Variants in NLGN4X observed in about 807,000 individuals in gnomAD.
NLGN4X encodes neuroligin 4 X-linked.
Under a neutral mutation model 40.3 loss-of-function variants are expected in NLGN4X, and 3 were observed. The observed-to-expected ratio is 0.07, with a 90% confidence interval of 0.03 to 0.19. NLGN4X has a LOEUF of 0.19. Among genes scored for constraint, NLGN4X ranks in the 10% least tolerant of loss-of-function variants. The probability of loss-of-function intolerance (pLI) is 1.00; values close to 1 mark genes in which losing one functional copy is unlikely to be tolerated. For synonymous variants in NLGN4X, 270 were observed against 306.8 expected, an observed-to-expected ratio of 0.88 and a Z score of 1.25; for missense variants, 382 against 708.3, an observed-to-expected ratio of 0.54 and a Z score of 5.23.
chrX:6,216,005 T>C (rs1314586183), intron 1 of NLGN4X, among the ~76,000 whole-genome samples: 1 of 109,838 alleles, frequency 9.1e-6, no homozygotes, highest in African/African-American at 3.3e-5. Flanking sequence ...GCCTCCTGAG[T>C]AGCTGGGACT....
At chrX:5,910,063 AT>A (rs1210687427) in intron 3 of NLGN4X, among the ~76,000 whole-genome samples, 1 of 111,790 alleles carries the variant, frequency 8.9e-6, no homozygotes, top group African/African-American at 3.3e-5. Flanking sequence ...CAATTTTGGT[AT>A]TAATGATAGC....
At chrX:6,210,147 T>C (rs1299965561) in intron 1 of NLGN4X, among the ~76,000 whole-genome samples, 1 of 111,480 alleles carries the variant, frequency 9.0e-6, no homozygotes, top group Non-Finnish European at 1.9e-5. Flanking sequence ...TCACATGCAA[T>C]GTGGAGTTCA....
At chrX:6,189,960 A>G (rs903041998) in intron 1 of NLGN4X, among the ~76,000 whole-genome samples, 6 of 109,736 alleles carry the variant, frequency 5.5e-5, no homozygotes, top group African/African-American at 2.0e-4. Flanking sequence ...TTAGCTGTAT[A>G]TGCTGATGAA....
chrX:6,226,323 GA>G (rs369852590), intron 1 of NLGN4X, among the ~76,000 whole-genome samples: 12,483 of 101,982 alleles, frequency 0.12, 640 homozygotes, highest in African/African-American at 0.16. Context: ...CCGCAGTCCG[GA>G]AAAAAAAAAA....
Position 5,962,643 on chromosome X carries a change from C to G in NLGN4X, c.626-53404G>C, listed in dbSNP as rs2034699408. Among the ~76,000 whole-genome samples, 3 of 112,246 alleles carry G rather than the reference C, an allele frequency of 2.7e-5. No homozygotes were observed. The South Asian group carries it at 1.1e-3, about 42-fold the overall frequency. ...TGAATGTTGGCATTCTCCCAAAATT[C>G]AACCTTGAAATCCTAAACTCCCTTC... On this transcript the variant is annotated intron_variant, in intron 3 of 5. Transcript: ENST00000381095.
At chrX:6,139,855 A>G (rs1456705844) in intron 2 of NLGN4X, among the ~76,000 whole-genome samples, 2 of 111,880 alleles carry the variant, frequency 1.8e-5, no homozygotes, top group Non-Finnish European at 3.8e-5. Context: ...ATTTACTAAT[A>G]ATTTTTAAAT....
In NLGN4X at chrX:5,892,565, T is replaced by G; in HGVS notation, c.*252A>C. 2.5e-6 allele frequency: 1 copy of G among 392,161 alleles called. No homozygotes were observed. Among genetic ancestry groups the G allele is most frequent in the Non-Finnish European group, 4.5e-6 (1 of 224,149 alleles). The allele number at this position is 392,161 out of a possible 1,213,427, so 32.3% of individuals were successfully genotyped here. On this transcript the variant is annotated 3_prime_UTR_variant, in exon 6 of 6. Coordinates refer to ENST00000381095, the MANE Select transcript of NLGN4X (RefSeq NM_181332.3). ...AGTGGTAGAGATCTTAAAGCAGTTA[T>G]TTTAACAGAAATGTGTACTTCTCAC... is the stretch of plus-strand genomic sequence containing the variant.
chrX:5,977,428 C>T (rs758270216), intron 3 of NLGN4X, among the ~76,000 whole-genome samples: 4 of 110,104 alleles, frequency 3.6e-5, no homozygotes, highest in African/African-American at 1.3e-4. Context: ...CACTATGTTA[C>T]CCAGACTGGC....
chrX:6,084,586 G>A (rs1335152159), intron 2 of NLGN4X, among the ~76,000 whole-genome samples: 1 of 111,748 alleles, frequency 8.9e-6, no homozygotes, highest in African/African-American at 3.3e-5. Context: ...TGAGGAGAGA[G>A]TGTAAATGGG....
Position 5,903,991 on chromosome X carries a change from C to T in NLGN4X, c.812-125G>A, listed in dbSNP as rs1398313466. On this transcript the variant is annotated intron_variant, in intron 4 of 5. Transcript: ENST00000381095. ...AGTTTCTGGATGTAGTAGCATTCAG[C>T]TCTGTCAGGGGCCCTTTTACCCATT... 4 of 851,090 alleles carry T rather than the reference C, an allele frequency of 4.7e-6. No homozygotes were observed. In the South Asian group the frequency reaches 8.8e-5, roughly 19 times the overall value. 70.1% of individuals were successfully genotyped at this position (851,090 alleles called of 1,213,427 possible). A position where few individuals can be genotyped will look rare whatever the true frequency, so the allele number is the denominator to read the frequency against.
In NLGN4X at chrX:6,167,022, T is replaced by C. The variant is rs1306686064; in HGVS notation, c.-305-15251A>G. Among the ~76,000 whole-genome samples the C allele has an allele frequency of 6.2e-5, 6 of 97,008 alleles. No homozygotes were observed. The Admixed American group carries it at 7.2e-4, about 12-fold the overall frequency. 84.2% of individuals were successfully genotyped at this position (97,008 alleles called of 115,157 possible). On this transcript the variant is annotated intron_variant, in intron 1 of 5. Coordinates refer to ENST00000381095, the MANE Select transcript of NLGN4X (RefSeq NM_181332.3). ...GAGACGGGGAGGTTGGTGTGAGCCA[T>C]GATCGCACCACTACACTTCAGCCCG...
intron 3 of NLGN4X, among the ~76,000 whole-genome samples, chrX:6,008,338 A>G (rs2036157520): frequency 8.9e-6 from 1 of 112,117 alleles, no homozygotes; most frequent in Non-Finnish European, 1.9e-5. Flanking sequence ...ATAGATAAAC[A>G]TAACAGAATG....
At chrX:5,978,270 T>C (rs866710897) in intron 3 of NLGN4X, among the ~76,000 whole-genome samples, 2 of 92,964 alleles carry the variant, frequency 2.2e-5, no homozygotes, top group African/African-American at 1.1e-4. Flanking sequence ...AGGCGTCTCT[T>C]TTTTTCTTTC....
chrX:6,188,461 G>T (rs777159552), intron 1 of NLGN4X, among the ~76,000 whole-genome samples: 10 of 110,935 alleles, frequency 9.0e-5, no homozygotes, highest in Non-Finnish European at 1.9e-4. Context: ...TTACCCCATT[G>T]TCTGCCTTTG....
chrX:5,984,009 T>A (rs988222048), intron 3 of NLGN4X, among the ~76,000 whole-genome samples: 3 of 111,042 alleles, frequency 2.7e-5, no homozygotes, highest in Non-Finnish European at 5.7e-5. Context: ...AATATGAGAA[T>A]ATCTAATATA....
intron 1 of NLGN4X, among the ~76,000 whole-genome samples, chrX:6,219,558 TTC>T (rs1235769808): frequency 3.0e-5 from 1 of 33,866 alleles, no homozygotes; most frequent in Non-Finnish European, 5.5e-5. Flanking sequence ...CTTTCTTTCT[TTC>T]TTTCTTTCTT....
chrX:6,167,833 G>A (rs1318627070), intron 1 of NLGN4X, among the ~76,000 whole-genome samples: 4 of 112,094 alleles, frequency 3.6e-5, no homozygotes, highest in Non-Finnish European at 7.5e-5. Flanking sequence ...CTCAAGAAGA[G>A]TAGGACTATC....
At chrX:6,089,802 G>A (rs2147442808) in intron 2 of NLGN4X, among the ~76,000 whole-genome samples, 1 of 112,342 alleles carries the variant, frequency 8.9e-6, no homozygotes, top group South Asian at 3.7e-4. Flanking sequence ...CTTGCTGTAT[G>A]CATGAAAGGA....
At chrX:5,906,013 T>C (rs1386402337) in intron 4 of NLGN4X, among the ~76,000 whole-genome samples, 1 of 111,722 alleles carries the variant, frequency 9.0e-6, no homozygotes, top group Non-Finnish European at 1.9e-5. Context: ...AAGCATGCCT[T>C]GCAGAAATGA....
Sources: gnomAD v4.1 joint callset for allele counts (sites outside exome capture counted in the v4.1 genomes callset) on GRCh38, gnomAD v4.1.1 for gene constraint, MANE v1.5 for transcripts, NCBI Gene and HGNC (gene_info 2026-07-23, HGNC 2026-07-21) for gene names.